Variants in MTFR1 observed in about 807,000 individuals in gnomAD.
MTFR1 encodes mitochondrial fission regulator 1, also known as chondrocyte protein with a poly-proline region.
MTFR1 carries 28 observed loss-of-function variants against 38.8 expected under a neutral mutation model. That is an observed-to-expected ratio of 0.72 (90% CI 0.53 to 0.99). MTFR1 has a LOEUF of 0.99. Among genes scored for constraint, MTFR1 ranks in the 50% least tolerant of loss-of-function variants. The pLI, the probability that MTFR1 is intolerant of heterozygous loss-of-function variation, is 0.00. For synonymous variants in MTFR1, 145 were observed against 137.0 expected (o/e 1.06, Z -0.41); for missense variants, 358 against 395.5 (o/e 0.91, Z 0.81).
At chr8:65,716,017 A>AAC (rs1322609308) in intron 2 of MTFR1, among the ~76,000 whole-genome samples, 1 of 147,220 alleles carries the variant, frequency 6.8e-6, no homozygotes, top group African/African-American at 2.5e-5. Context: ...AAAAAAAAAA[A>AAC]AAAAAAAATT....
At chr8:65,675,261 CCAGCCTGGG>C (rs139416239) in intron 2 of MTFR1, among the ~76,000 whole-genome samples, 6,288 of 152,136 alleles carry the variant, frequency 0.041, 186 homozygotes, top group Non-Finnish European at 0.062. Flanking sequence ...CCACTGCACT[CCAGCCTGGG>C]CGACAGAGCA....
chr8:65,646,615 C>T (rs756178506), intron 1 of MTFR1, among the ~76,000 whole-genome samples: 7 of 152,144 alleles, frequency 4.6e-5, no homozygotes, highest in African/African-American at 9.7e-5. Flanking sequence ...ATGGCTCAGC[C>T]GAGCACTTTG....
intron 3 of MTFR1, chr8:65,734,712 G>A: frequency 1.3e-6 from 1 of 774,470 alleles, no homozygotes; most frequent in Non-Finnish European, 2.3e-6. Flanking sequence ...AGTCAAAGCA[G>A]TAACTTCAGG....
At chr8:65,656,995 A>T (rs1006685659) in intron 1 of MTFR1, among the ~76,000 whole-genome samples, 1 of 149,442 alleles carries the variant, frequency 6.7e-6, no homozygotes, top group Non-Finnish European at 1.5e-5. Context: ...TTAGTTCATA[A>T]TCCTCATTTA....
downstream of MTFR1, among the ~76,000 whole-genome samples, chr8:65,711,372 C>CTT (rs1805939642): frequency 6.6e-6 from 1 of 152,214 alleles, no homozygotes; most frequent in African/African-American, 2.4e-5. Context: ...GAAACAAATA[C>CTT]TTTGAAAAAA....
intron 3 of MTFR1, chr8:65,689,551 T>C: frequency 8.0e-7 from 1 of 1,255,354 alleles, no homozygotes; most frequent in Non-Finnish European, 1.0e-6. Flanking sequence ...TTTTTTCTTT[T>C]TCCACTAATA....
chr8:65,720,993 G>A (rs2129063840), intron 3 of MTFR1, among the ~76,000 whole-genome samples: 1 of 152,188 alleles, frequency 6.6e-6, no homozygotes, highest in South Asian at 2.1e-4. Flanking sequence ...AGATCCTTGG[G>A]GATCTTACCT....
chr8:65,683,864 T>C (rs1162183483), intron 3 of MTFR1, among the ~76,000 whole-genome samples: 3 of 152,130 alleles, frequency 2.0e-5, no homozygotes, highest in Non-Finnish European at 4.4e-5. Context: ...AAGAAATCTG[T>C]GGTAGTAAGT....
chr8:65,665,423 A>G (rs919302432), intron 1 of MTFR1, among the ~76,000 whole-genome samples: 1 of 152,142 alleles, frequency 6.6e-6, no homozygotes, highest in South Asian at 2.1e-4. Flanking sequence ...CTGATTAAAG[A>G]TATAGTCACA....
intron 3 of MTFR1, among the ~76,000 whole-genome samples, chr8:65,691,382 G>T (rs1805271591): frequency 6.6e-6 from 1 of 151,922 alleles, no homozygotes; most frequent in Non-Finnish European, 1.5e-5. Flanking sequence ...CTGCCTCCTG[G>T]GTTCAAATGA....
chr8:65,764,312 G>A (rs1808658742), intron 3 of MTFR1, among the ~76,000 whole-genome samples: 1 of 152,204 alleles, frequency 6.6e-6, no homozygotes, highest in Non-Finnish European at 1.5e-5. Context: ...AAATTTAATA[G>A]ACACTCCAGA....
chr8:65,744,665 T>A (rs945945753), intron 3 of MTFR1, among the ~76,000 whole-genome samples: 2 of 152,146 alleles, frequency 1.3e-5, no homozygotes, highest in Non-Finnish European at 2.9e-5. Context: ...GAAACAGGCA[T>A]ACAACATCAG....
chr8:65,693,603 G>T (rs1364556868), intron 3 of MTFR1, 41 bp from the exon 4 acceptor site: 2 of 1,558,642 alleles, frequency 1.3e-6, no homozygotes, highest in Admixed American at 3.4e-5. Context: ...ACATTTTGGT[G>T]CCATCTTTGG....
At chr8:65,770,084 C>G (rs929077638) in intron 3 of MTFR1, among the ~76,000 whole-genome samples, 5 of 150,978 alleles carry the variant, frequency 3.3e-5, no homozygotes, top group Admixed American at 2.6e-4. Flanking sequence ...CTCAGATATG[C>G]ATTGTTAACA....
chr8:65,693,718 A>T lies in MTFR1; in HGVS notation c.240A>T (p.Gly80=), dbSNP rs1215513455. 3 of 1,614,150 alleles carry T rather than the reference A, an allele frequency of 1.9e-6. No individual in the cohort carries two copies. The highest frequency in any genetic ancestry group is 8.5e-7 in the Non-Finnish European group (1 of 1,180,016). The change falls in exon 4 of 8, where the codon GGA becomes GGT. Residue 80 remains glycine (G), a synonymous_variant. Transcript: ENST00000262146. ...CAGTGGCGTCTTTTGCTGATGTTGG[A>T]TGGGTAGCCAAAGAAGAAGGAGAGT... is the stretch of plus-strand genomic sequence containing the variant. ...EDAVASFADV[G]WVAKEEGECS...
At chr8:65,660,878 G>A (rs1322277239) in intron 1 of MTFR1, among the ~76,000 whole-genome samples, 1 of 152,178 alleles carries the variant, frequency 6.6e-6, no homozygotes, top group Non-Finnish European at 1.5e-5. Context: ...AAAATGGAAT[G>A]TTATTCCACA....
intron 3 of MTFR1, among the ~76,000 whole-genome samples, chr8:65,747,438 T>C (rs907267974): frequency 2.6e-5 from 4 of 152,170 alleles, no homozygotes; most frequent in Non-Finnish European, 5.9e-5. Context: ...AATGAAAACA[T>C]TGTCACTACT....
chr8:65,711,222 G>C (rs1256178927), downstream of MTFR1, among the ~76,000 whole-genome samples: 1 of 152,284 alleles, frequency 6.6e-6, no homozygotes, highest in South Asian at 2.1e-4. Flanking sequence ...CATAGGAGGG[G>C]TAGGACTTGC....
chr8:65,778,501 A>G, the MTFR1 span, among the ~76,000 whole-genome samples: 2 of 152,178 alleles, frequency 1.3e-5, no homozygotes, highest in African/African-American at 2.4e-5. Context: ...AGACCAAGAC[A>G]CTGTAGAGCA....
Sources: gnomAD v4.1 joint callset for allele counts (sites outside exome capture counted in the v4.1 genomes callset) on GRCh38, gnomAD v4.1.1 for gene constraint, MANE v1.5 for transcripts, NCBI Gene and HGNC (gene_info 2026-07-23, HGNC 2026-07-21) for gene names.